ZMAT4: variants seen among roughly 807,000 people sequenced by gnomAD.
The protein encoded by ZMAT4 is zinc finger matrin-type protein 4.
ZMAT4 carries 17 observed loss-of-function variants against 28.7 expected under a neutral mutation model. That is an observed-to-expected ratio of 0.59 (90% CI 0.41 to 0.89). The LOEUF (loss-of-function observed/expected upper bound fraction) is 0.89, where lower values mean the gene tolerates loss of function less well. Ranked by LOEUF, ZMAT4 falls within the 40% of genes least tolerant of loss-of-function variation. The pLI is 0.00. For missense variants in ZMAT4, 240 were observed against 283.8 expected, an observed-to-expected ratio of 0.85 and a Z score of 1.11; for synonymous variants, 117 against 109.2, an observed-to-expected ratio of 1.07 and a Z score of -0.44.
chr8:40,557,682 C>A (rs1405433066), intron 6 of ZMAT4, among the ~76,000 whole-genome samples: 4 of 152,160 alleles, frequency 2.6e-5, no homozygotes, highest in African/African-American at 9.7e-5. Flanking sequence ...ATAATAACAT[C>A]CCCTCTCTCT....
chr8:40,601,408 G>A (rs1044446470), intron 5 of ZMAT4, among the ~76,000 whole-genome samples: 1 of 58,824 alleles, frequency 1.7e-5, no homozygotes, highest in Non-Finnish European at 3.0e-5. Flanking sequence ...AGGAAAGAAA[G>A]GAAGGAAGGA....
At chr8:40,652,852 A>C (rs1282814805) in intron 5 of ZMAT4, among the ~76,000 whole-genome samples, 5 of 85,994 alleles carry the variant, frequency 5.8e-5, no homozygotes, top group Non-Finnish European at 1.1e-4. Flanking sequence ...CAAACACCAC[A>C]TATTCTCACT....
intron 5 of ZMAT4, among the ~76,000 whole-genome samples, chr8:40,641,731 A>G (rs930855029): frequency 1.3e-5 from 2 of 152,200 alleles, no homozygotes; most frequent in Non-Finnish European, 2.9e-5. Context: ...CTGCCTTCTT[A>G]GCAAATTTTT....
chr8:40,622,709 G>A (rs1806243554), intron 5 of ZMAT4, among the ~76,000 whole-genome samples: 1 of 152,194 alleles, frequency 6.6e-6, no homozygotes, highest in African/African-American at 2.4e-5. Context: ...GGCGGAAGAG[G>A]AAGGGGAGCT....
At chr8:40,831,686 T>G (rs1431750459) in intron 1 of ZMAT4, among the ~76,000 whole-genome samples, 1 of 152,212 alleles carries the variant, frequency 6.6e-6, no homozygotes, top group Non-Finnish European at 1.5e-5. Context: ...AAGATAGAAT[T>G]TAAGACTCAT....
intron 3 of ZMAT4, among the ~76,000 whole-genome samples, chr8:40,713,648 T>A (rs1386386423): frequency 6.6e-6 from 1 of 151,898 alleles, no homozygotes; most frequent in Non-Finnish European, 1.5e-5. Flanking sequence ...GTGGCTCTTG[T>A]CCCTAATCCC....
intron 1 of ZMAT4, among the ~76,000 whole-genome samples, chr8:40,867,446 T>G (rs932829774): frequency 2.6e-5 from 4 of 152,148 alleles, no homozygotes; most frequent in African/African-American, 9.7e-5. Context: ...CCCCAGTGGC[T>G]TCTCAGTTTT....
At chr8:40,869,593 A>G (rs144864642) in intron 1 of ZMAT4, among the ~76,000 whole-genome samples, 224 of 152,352 alleles carry the variant, frequency 1.5e-3, no homozygotes, top group African/African-American at 3.8e-3. Flanking sequence ...ATAATCTTGA[A>G]GCTCTATTAG....
intron 2 of ZMAT4, among the ~76,000 whole-genome samples, chr8:40,818,758 G>C (rs913118627): frequency 4.6e-5 from 7 of 152,166 alleles, no homozygotes; most frequent in African/African-American, 1.7e-4. Flanking sequence ...GTGCTGACAG[G>C]CTACAGTCAC....
chr8:40,743,785 C>T (rs1258991668), intron 3 of ZMAT4, among the ~76,000 whole-genome samples: 2 of 151,710 alleles, frequency 1.3e-5, no homozygotes, highest in African/African-American at 4.8e-5. Flanking sequence ...AAGGAGCGGC[C>T]GATTCTGGAG....
At chr8:40,837,375 A>G (rs1404647384) in intron 1 of ZMAT4, among the ~76,000 whole-genome samples, 3 of 151,950 alleles carry the variant, frequency 2.0e-5, no homozygotes, top group Non-Finnish European at 4.4e-5. Context: ...CCTTTCCCCA[A>G]CCCCTGGTGC....
chr8:40,564,134 C>T (rs921181437), intron 6 of ZMAT4, among the ~76,000 whole-genome samples: 1 of 152,072 alleles, frequency 6.6e-6, no homozygotes, highest in Non-Finnish European at 1.5e-5. Flanking sequence ...TCAAGTAGTT[C>T]CAGAATACTT....
At chr8:40,734,285 C>A (rs1811665355) in intron 3 of ZMAT4, among the ~76,000 whole-genome samples, 1 of 152,136 alleles carries the variant, frequency 6.6e-6, no homozygotes, top group African/African-American at 2.4e-5. Flanking sequence ...CCCACTGCAA[C>A]AATAAAAAAC....
At chr8:40,538,781 T>C (rs1802928968) in intron 6 of ZMAT4, among the ~76,000 whole-genome samples, 1 of 152,074 alleles carries the variant, frequency 6.6e-6, no homozygotes, top group Non-Finnish European at 1.5e-5. Flanking sequence ...CATTTTTCTT[T>C]CTCTTTTTTT....
At chr8:40,871,349 T>A (rs1817851121) in intron 1 of ZMAT4, among the ~76,000 whole-genome samples, 1 of 152,216 alleles carries the variant, frequency 6.6e-6, no homozygotes. Flanking sequence ...GCTAAATCTT[T>A]CTTTTCTCTT....
chr8:40,845,776 TAAAAAA>T lies in ZMAT4; in HGVS notation c.-4-20102_-4-20097del, dbSNP rs71224858. Among the ~76,000 whole-genome samples the T allele has an allele frequency of 4.3e-3, 562 of 129,560 alleles. 1 individual carries two copies. The highest frequency in any genetic ancestry group is 7.3e-3 in the Admixed American group (96 of 13,084). The allele number at this position is 129,560 out of a possible 152,430, so 85.0% of individuals were successfully genotyped here. On this transcript the variant is annotated intron_variant, in intron 1 of 6. Transcript: ENST00000297737. Reference sequence around the variant, plus strand: ...TCACTAGTTCAATACACTTAGTAGTTAAAAAAAAAAAAAAAAAAAAAGAGAGAGAGA... The same window carrying T: ...TCACTAGTTCAATACACTTAGTAGTTAAAAAAAAAAAAAAAGAGAGAGAGA...
intron 2 of ZMAT4, among the ~76,000 whole-genome samples, chr8:40,796,433 G>A (rs1814603991): frequency 6.6e-6 from 1 of 152,186 alleles, no homozygotes; most frequent in Admixed American, 6.5e-5. Flanking sequence ...ATTTAGCAGA[G>A]GAGGAGAAAA....
At chr8:40,593,460 T>C (rs1434392691) in intron 5 of ZMAT4, among the ~76,000 whole-genome samples, 1 of 152,222 alleles carries the variant, frequency 6.6e-6, no homozygotes, top group East Asian at 1.9e-4. Flanking sequence ...TATTTCTCAT[T>C]TCTTCCCAAA....
At chr8:40,731,448 C>T (rs755227889) in intron 3 of ZMAT4, among the ~76,000 whole-genome samples, 18 of 151,720 alleles carry the variant, frequency 1.2e-4, no homozygotes, top group Non-Finnish European at 2.6e-4. Flanking sequence ...CAGACAAAAA[C>T]AATAACAAGA....
Sources: allele counts gnomAD v4.1 joint callset (sites outside exome capture counted in the v4.1 genomes callset), GRCh38; gene constraint gnomAD v4.1.1; transcripts MANE v1.5; gene names NCBI Gene and HGNC (gene_info 2026-07-23, HGNC 2026-07-21).